SNX25: variants seen among roughly 807,000 people sequenced by gnomAD.
SNX25 encodes sorting nexin 25, also known as sorting nexin-25.
SNX25 carries 62 observed loss-of-function variants against 113.7 expected under a neutral mutation model. The ratio of observed to expected loss-of-function variants is 0.55; its 90% CI spans 0.44 to 0.67. The LOEUF is 0.67. Among genes scored for constraint, SNX25 ranks in the 30% least tolerant of loss-of-function variants. SNX25 has a pLI of 0.00. For missense variants in SNX25, 1,014 were observed against 1,161.0 expected, an observed-to-expected ratio of 0.87 and a Z score of 1.84; for synonymous variants, 421 against 436.2, an observed-to-expected ratio of 0.97 and a Z score of 0.43.
Position 185,339,446 on chromosome 4 carries a change from T to C in SNX25, c.1982T>C (p.Met661Thr). 1 of 1,614,134 alleles carries C rather than the reference T, an allele frequency of 6.2e-7. No individual in the cohort carries two copies. Among genetic ancestry groups the C allele is most frequent in the Non-Finnish European group, 8.5e-7 (1 of 1,179,994 alleles). ...EKERTDLQLH[M>T]ARTDWWCENL... ...GAACGCACAGACCTTCAGCTGCACATGGCAAGAACGGATTGGTGGTGTGAA... is the reference window on the plus strand; with the variant it reads ...GAACGCACAGACCTTCAGCTGCACACGGCAAGAACGGATTGGTGGTGTGAA... The change falls in exon 11 of 19, where the codon ATG becomes ACG. Residue 661 changes from methionine (M) to threonine (T), a missense_variant. Transcript: ENST00000652585.
chr4:185,212,484 T>G (rs1738012399), intron 1 of SNX25, among the ~76,000 whole-genome samples: 1 of 99,322 alleles, frequency 1.0e-5, no homozygotes, highest in Non-Finnish European at 2.2e-5. Context: ...TGTGTGTGTG[T>G]GTGTGTGTTT....
intron 6 of SNX25, among the ~76,000 whole-genome samples, chr4:185,300,839 T>TCACACA (rs1560985826): frequency 1.0e-4 from 5 of 49,648 alleles, no homozygotes; most frequent in African/African-American, 4.8e-4. Context: ...ATGATTATTA[T>TCACACA]GACACACACA....
rs754946597 is a variant in SNX25, at chr4:185,317,393, C to T, written c.1345-3340C>T. 3.3e-5 allele frequency among the ~76,000 whole-genome samples: 5 copies of T among 152,118 alleles called. 1 individual carries two copies. The highest frequency in any genetic ancestry group is 7.2e-5 in the African/African-American group (3 of 41,420). ...TGGTAGGAGTGTAAATTAGTTCAAC[C>T]GTTGTGGAAGACAGTGTGGTGATTC... On this transcript the variant is annotated intron_variant, in intron 7 of 18. Coordinates refer to ENST00000652585, the MANE Select transcript of SNX25 (RefSeq NM_001378034.2).
At position 185,232,148 on chromosome 4, in the gene SNX25, T is replaced by C. The variant is rs1182743025; in HGVS notation, c.430-15146T>C. Among the ~76,000 whole-genome samples, 4 of 152,112 alleles carry C rather than the reference T, an allele frequency of 2.6e-5. No individual in the cohort carries two copies. The highest frequency in any genetic ancestry group is 9.7e-5 in the African/African-American group (4 of 41,418). On this transcript the variant is annotated intron_variant, in intron 1 of 18. Coordinates refer to ENST00000652585, the MANE Select transcript of SNX25 (RefSeq NM_001378034.2). This position sits in a 1 kb window ranked among gnomAD's most constrained non-coding sequence, Gnocchi z 4.4. ...AACCCAAAGAATGGACTCAGAGACA[T>C]GAAGAACAGCAGAAGAGAGACTTTT...
At chr4:185,266,807 C>G (rs772757448) in intron 4 of SNX25, among the ~76,000 whole-genome samples, 162 bp from the exon 5 acceptor site, 5 of 151,666 alleles carry the variant, frequency 3.3e-5, no homozygotes, top group Non-Finnish European at 7.4e-5. Context: ...TGTATGTGTG[C>G]ATGTGTGTAC....
chr4:185,360,890 G>A (rs916891234), intron 16 of SNX25, among the ~76,000 whole-genome samples: 17 of 150,530 alleles, frequency 1.1e-4, no homozygotes, highest in African/African-American at 4.2e-4. Context: ...CTGCACTCCA[G>A]CCTGGGCAAC....
At chr4:185,323,921 T>A in intron 9 of SNX25, 121 bp downstream of exon 9, 1 of 994,156 alleles carries the variant, frequency 1.0e-6, no homozygotes, top group Non-Finnish European at 1.5e-6. Flanking sequence ...TACAGGACCT[T>A]AAATAGAATA....
chr4:185,362,391 T>C, intron 17 of SNX25: 1 of 957,026 alleles, frequency 1.0e-6, no homozygotes, highest in Non-Finnish European at 1.2e-6. Flanking sequence ...ATTTTAATTA[T>C]TAAAATTCGT....
At chr4:185,359,047 G>A (rs1490310437) in intron 16 of SNX25, among the ~76,000 whole-genome samples, 15 of 152,100 alleles carry the variant, frequency 9.9e-5, no homozygotes, top group Non-Finnish European at 5.9e-5. Context: ...TTCTACTTAA[G>A]ATTTTAAAAA....
At chr4:185,244,703 T>G (rs953924330) in intron 1 of SNX25, among the ~76,000 whole-genome samples, 3 of 152,220 alleles carry the variant, frequency 2.0e-5, no homozygotes, top group Non-Finnish European at 2.9e-5. Context: ...AAAATTCCTT[T>G]GGAAAATGTT....
At chr4:185,212,491 G>GTGTGTTTTTGT (rs546083196) in intron 1 of SNX25, among the ~76,000 whole-genome samples, 47 of 104,932 alleles carry the variant, frequency 4.5e-4, no homozygotes, top group African/African-American at 1.4e-3. Context: ...GTGTGTGTGT[G>GTGTGTTTTTGT]TTTTTTTTTT....
In SNX25 at chr4:185,342,068, C is replaced by T. The variant is rs555372656; in HGVS notation, c.2139C>T (p.Val713=). The change falls in exon 12 of 19, where the codon GTC becomes GTT. Residue 713 remains valine, a synonymous_variant. Coordinates refer to ENST00000652585, the MANE Select transcript of SNX25 (RefSeq NM_001378034.2). ...VGGVETKNWT[V]PRRLSEFQNL... is the part of the protein sequence containing the mutation. ...GAGTTGAAACTAAGAACTGGACGGT[C>T]CCCAGAAGGCTCAGCGAGTTTCAGA... The T allele has an allele frequency of 1.9e-6, 3 of 1,608,180 alleles. No individual in the cohort carries two copies. Among genetic ancestry groups the T allele is most frequent in the East Asian group, 2.2e-5 (1 of 44,454 alleles).
At chr4:185,308,990 T>A (rs1302553056) in intron 6 of SNX25, among the ~76,000 whole-genome samples, 1 of 152,230 alleles carries the variant, frequency 6.6e-6, no homozygotes, top group Admixed American at 6.5e-5. Flanking sequence ...CCATTTATTT[T>A]GCTCATGAAG....
intron 1 of SNX25, among the ~76,000 whole-genome samples, chr4:185,233,083 A>T (rs1742097890): frequency 6.6e-6 from 1 of 152,082 alleles, no homozygotes; most frequent in African/African-American, 2.4e-5. Flanking sequence ...CAGGAGTTCG[A>T]GACCTGCCTG....
the SNX25 span, chr4:185,376,975 C>T: frequency 3.7e-6 from 6 of 1,613,916 alleles, no homozygotes; most frequent in Non-Finnish European, 5.1e-6. Flanking sequence ...TTCTTTCCTT[C>T]AAGAGCTGCA....
downstream of SNX25, chr4:185,370,705 T>G: frequency 1.2e-6 from 2 of 1,614,062 alleles, no homozygotes; most frequent in Non-Finnish European, 1.7e-6. Context: ...TGAAGACACC[T>G]TGCGTGGTAG....
chr4:185,294,769 A>T (rs1481086010), intron 6 of SNX25, among the ~76,000 whole-genome samples: 2 of 152,118 alleles, frequency 1.3e-5, no homozygotes, highest in African/African-American at 2.4e-5. Context: ...TAAAGTTCAT[A>T]TGTAGGTGCT....
At chr4:185,288,475 ATAAT>A (rs959080511) in intron 6 of SNX25, among the ~76,000 whole-genome samples, 1 of 152,082 alleles carries the variant, frequency 6.6e-6, no homozygotes, top group Non-Finnish European at 1.5e-5. Flanking sequence ...TTGAGATTTC[ATAAT>A]TAATCTTTTC....
Position 185,323,708 on chromosome 4 carries a change from C to G in SNX25, c.1657C>G (p.Pro553Ala), listed in dbSNP as rs759901837. Reference sequence around the variant, plus strand: ...TGAGACCCTAAAGGATAGGTATTACCCTTCATTTATTGTCAGTGACCTGTA... The same window carrying G: ...TGAGACCCTAAAGGATAGGTATTACGCTTCATTTATTGTCAGTGACCTGTA... ...VYETLKDRYY[P>A]SFIVSDLYEK... The change falls in exon 9 of 19, where the codon CCT becomes GCT. Residue 553 changes from proline to alanine, a missense_variant. Pro to Ala is a conservative substitution (Grantham distance 27, BLOSUM62 -1). Coordinates refer to ENST00000652585, the MANE Select transcript of SNX25 (RefSeq NM_001378034.2). 3.7e-6 allele frequency: 6 copies of G among 1,613,518 alleles called. No individual in the cohort carries two copies. Among genetic ancestry groups the G allele is most frequent in the Non-Finnish European group, 5.1e-6 (6 of 1,179,730 alleles).
Sources: gnomAD v4.1 joint callset for allele counts (sites outside exome capture counted in the v4.1 genomes callset) on GRCh38, gnomAD v4.1.1 for gene constraint, Gnocchi (gnomAD v3.1) non-coding constraint, MANE v1.5 for transcripts, NCBI Gene and HGNC (gene_info 2026-07-23, HGNC 2026-07-21) for gene names.